Variants in POLE4 observed in about 807,000 individuals in gnomAD.
The protein encoded by POLE4 is DNA polymerase epsilon subunit 4.
A neutral mutation model predicts 15.6 loss-of-function variants in POLE4; 15 were observed. The ratio of observed to expected loss-of-function variants is 0.96; its 90% CI spans 0.64 to 1.48. The LOEUF (loss-of-function observed/expected upper bound fraction) is 1.48. Among genes scored for constraint, POLE4 ranks in the 40% most tolerant of loss-of-function variants. The pLI is 0.00. For synonymous variants in POLE4, 83 were observed against 63.2 expected, an observed-to-expected ratio of 1.31 and a Z score of -1.49; for missense variants, 205 against 151.9, an observed-to-expected ratio of 1.35 and a Z score of -1.84.
intron 3 of POLE4, among the ~76,000 whole-genome samples, chr2:74,966,232 C>T (rs2103682371): frequency 6.6e-6 from 1 of 152,236 alleles, no homozygotes; most frequent in East Asian, 1.9e-4. Context: ...ATTGAGATCT[C>T]AGGATCCATT....
intron 3 of POLE4, among the ~76,000 whole-genome samples, chr2:74,968,815 G>A (rs1671327133): frequency 6.6e-6 from 1 of 151,732 alleles, no homozygotes; most frequent in Non-Finnish European, 1.5e-5. Context: ...TTAGGCATAT[G>A]GGCCTCCTTT....
rs1380372211 is a variant in POLE4, at chr2:74,958,691, G to T, written c.12G>T (p.Ala4=). The T allele has an allele frequency of 1.4e-6, 2 of 1,468,236 alleles. No homozygotes were observed. Among genetic ancestry groups the T allele is most frequent in the African/African-American group, 1.5e-5 (1 of 66,420 alleles). The allele number at this position is 1,468,236 out of a possible 1,614,324, so 91.0% of individuals were successfully genotyped here. Residue 4 remains alanine (A), a synonymous_variant, in exon 1 of 4, where the codon GCG becomes GCT. Coordinates refer to ENST00000483063, the MANE Select transcript of POLE4 (RefSeq NM_019896.4). MAA[A]AAAGSGTPRE... is the part of the protein sequence containing the mutation. The stretch of plus-strand genomic sequence containing the variant: ...CGCTCAAGGCCGGGATGGCGGCGGC[G>T]GCGGCGGCAGGAAGCGGGACGCCCC...
At chr2:74,966,317 A>G (rs1038209793) in intron 3 of POLE4, among the ~76,000 whole-genome samples, 4 of 152,160 alleles carry the variant, frequency 2.6e-5, no homozygotes, top group Non-Finnish European at 5.9e-5. Flanking sequence ...GTCTTTGTCA[A>G]TCTACATAAG....
intron 3 of POLE4, among the ~76,000 whole-genome samples, chr2:74,963,256 C>G (rs1005075191): frequency 1.3e-5 from 2 of 152,148 alleles, no homozygotes; most frequent in Non-Finnish European, 2.9e-5. Flanking sequence ...CATGATAATT[C>G]CCATTGCTTC....
intron 3 of POLE4, among the ~76,000 whole-genome samples, chr2:74,968,762 A>G (rs1254414932): frequency 1.3e-5 from 2 of 151,370 alleles, no homozygotes; most frequent in African/African-American, 4.9e-5. Flanking sequence ...ATCTCACATC[A>G]CCATTCCTGG....
At chr2:74,967,328 T>G (rs1220709053) in intron 3 of POLE4, among the ~76,000 whole-genome samples, 1 of 152,028 alleles carries the variant, frequency 6.6e-6, no homozygotes, top group Non-Finnish European at 1.5e-5. Context: ...TTTTTGTTTT[T>G]TTTTTTTAGT....
chr2:74,959,904 T>G (rs1392061778), intron 2 of POLE4: 2 of 570,246 alleles, frequency 3.5e-6, no homozygotes, highest in African/African-American at 3.8e-5. Flanking sequence ...CCTATGCTTT[T>G]CTTAACTCTT....
intron 3 of POLE4, 112 bp downstream of exon 3, chr2:74,960,258 C>G: frequency 1.1e-6 from 1 of 896,906 alleles, no homozygotes; most frequent in South Asian, 1.4e-5. Flanking sequence ...GGATAATTCT[C>G]CGCACTTGCT....
At chr2:74,961,034 A>C (rs893574630) in intron 3 of POLE4, 5 of 158,274 alleles carry the variant, frequency 3.2e-5, no homozygotes, top group Admixed American at 3.0e-4. Context: ...GCTTTGTGTA[A>C]GTACCCTCTA....
chr2:74,964,691 T>C (rs756806896), intron 3 of POLE4, among the ~76,000 whole-genome samples: 86 of 152,206 alleles, frequency 5.7e-4, no homozygotes, highest in Non-Finnish European at 1.1e-3. Flanking sequence ...CTTAGTTTTT[T>C]TACTTAAAAA....
chr2:74,958,949 C>T, intron 1 of POLE4, 57 bp downstream of exon 1: 1 of 1,463,072 alleles, frequency 6.8e-7, no homozygotes, highest in Non-Finnish European at 9.3e-7. Context: ...TGGGGCGGGG[C>T]CTCGGGGCCT....
chr2:74,966,609 T>G (rs1329622710), intron 3 of POLE4, among the ~76,000 whole-genome samples: 1 of 152,172 alleles, frequency 6.6e-6, no homozygotes, highest in Non-Finnish European at 1.5e-5. Context: ...TTCACCATGT[T>G]GACCAGGCTA....
Position 74,969,383 on chromosome 2 carries a change from A to G in POLE4, c.341-26A>G, listed in dbSNP as rs865901612. ...AATCCAGCTTCTGAGGTCCCCTGAT[A>G]TACTCATTGCTCTTTGTATGTTTAG... On this transcript the variant is annotated intron_variant, in intron 3 of 3. Transcript: ENST00000483063. 1.1e-5 allele frequency: 18 copies of G among 1,612,416 alleles called. No homozygotes were observed. The Middle Eastern group carries it at 8.3e-4, about 74-fold the overall frequency.
In POLE4 at chr2:74,960,213, C is replaced by T. The variant is rs184664795; in HGVS notation, c.340+67C>T. The T allele has an allele frequency of 1.3e-3, 1,677 of 1,291,146 alleles. 7 individuals carry two copies. The highest frequency in any genetic ancestry group is 4.2e-3 in the Middle Eastern group (23 of 5,448). 80.0% of individuals were successfully genotyped at this position (1,291,146 alleles called of 1,614,324 possible). ...TGCATGTTGATGTGAAATTCAAAAT[C>T]TCATAAAACGGATGCCTGCTTCTTG... On this transcript the variant is annotated intron_variant, in intron 3 of 3. Coordinates refer to ENST00000483063, the MANE Select transcript of POLE4 (RefSeq NM_019896.4).
rs1671177845 is a variant in POLE4, at chr2:74,959,251, C to G, written c.214-90C>G. 3.9e-6 allele frequency: 3 copies of G among 773,578 alleles called. No homozygotes were observed. In the Admixed American group the frequency reaches 7.0e-5, roughly 18 times the overall value. The allele number at this position is 773,578 out of a possible 1,614,324, so 47.9% of individuals were successfully genotyped here. ...CATTTTCTTGCCCCGAGCCTTTCTT[C>G]TCCCTTTCTGCCCCCACCCACAAAC... On this transcript the variant is annotated intron_variant, in intron 1 of 3. Transcript: ENST00000483063.
At position 74,958,774 on chromosome 2, in the gene POLE4, G is replaced by A; in HGVS notation, c.95G>A (p.Ser32Asn). Residue 32 changes from serine to asparagine, a missense_variant, in exon 1 of 4, where the codon AGT (serine) becomes AAT (asparagine). Coordinates refer to ENST00000483063, the MANE Select transcript of POLE4 (RefSeq NM_019896.4). ...GCCTCGCAGCCCCAGGCCCCAACGA[G>A]TGTGCCTGGGGCTCGTCTCTCGAGG... ...AAASQPQAPT[S>N]VPGARLSRLP... 2 of 1,547,124 alleles carry A rather than the reference G, an allele frequency of 1.3e-6. No individual in the cohort carries two copies. The highest frequency in any genetic ancestry group is 8.7e-7 in the Non-Finnish European group (1 of 1,145,030).
At chr2:74,963,386 G>A (rs1264370792) in intron 3 of POLE4, among the ~76,000 whole-genome samples, 1 of 152,026 alleles carries the variant, frequency 6.6e-6, no homozygotes, top group East Asian at 1.9e-4. Context: ...GTGACATTGG[G>A]CGTCTTTTCA....
chr2:74,967,314 AT>A (rs199508825), intron 3 of POLE4, among the ~76,000 whole-genome samples: 6 of 135,474 alleles, frequency 4.4e-5, no homozygotes, highest in African/African-American at 1.1e-4. Flanking sequence ...CCTTTAAACT[AT>A]TTTTTTTGTT....
In POLE4 at chr2:74,958,681, TGGCGGC is replaced by T. The variant is rs528770146; in HGVS notation, c.15_20del (p.AlaAla6_?7). 2.1e-6 allele frequency: 3 copies of T among 1,457,378 alleles called. No homozygotes were observed. The highest frequency in any genetic ancestry group is 1.5e-5 in the African/African-American group (1 of 66,382). 90.3% of individuals were successfully genotyped at this position (1,457,378 alleles called of 1,614,324 possible). On this transcript the variant is annotated start_lost and inframe_deletion, in exon 1 of 4. Transcript: ENST00000483063. The stretch of plus-strand genomic sequence containing the variant: ...GCGCGCAGCACGCTCAAGGCCGGGA[TGGCGGC>T]GGCGGCGGCGGCAGGAAGCGGGACG...
Sources: gnomAD v4.1 joint callset for allele counts (sites outside exome capture counted in the v4.1 genomes callset) on GRCh38, gnomAD v4.1.1 for gene constraint, MANE v1.5 for transcripts, NCBI Gene and HGNC (gene_info 2026-07-23, HGNC 2026-07-21) for gene names.